Variants in FOXP4 observed in about 807,000 individuals in gnomAD.
FOXP4 encodes the protein forkhead box P4, also known as forkhead box protein P4.
A neutral mutation model predicts 82.6 loss-of-function variants in FOXP4; 25 were observed. The ratio of observed to expected loss-of-function variants is 0.30; its 90% CI spans 0.22 to 0.42. FOXP4 has a LOEUF of 0.42. Among genes scored for constraint, FOXP4 ranks in the 10% least tolerant of loss-of-function variants. FOXP4 has a pLI of 1.00. For missense variants in FOXP4, 785 were observed against 900.9 expected, an observed-to-expected ratio of 0.87 and a Z score of 1.65; for synonymous variants, 415 against 388.2, an observed-to-expected ratio of 1.07 and a Z score of -0.81.
At chr6:41,594,807 G>T (rs113120848) in intron 13 of FOXP4, 63 bp from the exon 14 acceptor site, 10 of 1,605,308 alleles carry the variant, frequency 6.2e-6, no homozygotes, top group African/African-American at 2.7e-5. Context: ...ATGGGATGAG[G>T]ACTATCATGT....
In FOXP4 at chr6:41,598,908, A is replaced by G. The variant is rs746495264; in HGVS notation, c.2015A>G (p.Glu672Gly). 16 of 1,608,206 alleles carry G rather than the reference A, an allele frequency of 9.9e-6. No individual in the cohort carries two copies. In the East Asian group the frequency reaches 3.1e-4, roughly 31 times the overall value. The change falls in exon 17 of 17, where the codon GAG becomes GGG. Residue 672 changes from glutamate to glycine, a missense_variant. Glu to Gly is a moderately conservative substitution (Grantham distance 98). This residue lies in a region of FOXP4 where 184 missense variants were observed against 187.3 expected (regional missense o/e 0.98). Transcript: ENST00000307972. ...SGPPEDRDLE[E>G]ELPGEELS The stretch of plus-strand genomic sequence containing the variant: ...CCTCCGGAAGACAGGGACCTGGAGG[A>G]GGAGCTGCCGGGAGAAGAACTGTCC...
chr6:41,592,700 C>T (rs1251899778), intron 13 of FOXP4, among the ~76,000 whole-genome samples: 1 of 151,522 alleles, frequency 6.6e-6, no homozygotes, highest in African/African-American at 2.4e-5. Context: ...AAGCCACCTA[C>T]CTTCCTTCCT....
At position 41,547,780 on chromosome 6, in the gene FOXP4, C is replaced by A. The variant is rs911298589; in HGVS notation, c.-17+913C>A. 2.0e-5 allele frequency among the ~76,000 whole-genome samples: 3 copies of A among 147,940 alleles called. No homozygotes were observed. The East Asian group carries it at 6.3e-4, about 31-fold the overall frequency. ...GAGCCCGGAGTGACCGAGCAGGACC[C>A]CCCCCCGCCCCAACTGAGGAGTCTG... On this transcript the variant is annotated intron_variant, in intron 1 of 16. Transcript: ENST00000307972.
chr6:41,584,797 CGCAGATGCTTACCCCGCA>C lies in FOXP4; in HGVS notation c.330_347del (p.Leu113_Met118del). ...CCTGTGTCGGTGGCCATGATGTCGC[CGCAGATGCTTACCCCGCA>C]ACAGATGCAGCAGATCCTGTCGCCC... On this transcript the variant is annotated inframe_deletion, in exon 4 of 17. Coordinates refer to ENST00000307972, the MANE Select transcript of FOXP4 (RefSeq NM_001012426.2). The C allele has an allele frequency of 1.3e-6, 2 of 1,599,874 alleles. No individual in the cohort carries two copies. Among genetic ancestry groups the C allele is most frequent in the Non-Finnish European group, 8.5e-7 (1 of 1,173,574 alleles).
At chr6:41,594,769 G>C (rs1041014229) in intron 13 of FOXP4, 101 bp from the exon 14 acceptor site, 138 of 1,540,104 alleles carry the variant, frequency 9.0e-5, no homozygotes, top group Non-Finnish European at 1.2e-4. Context: ...AGCTGGGGAA[G>C]GTGGGCCGCT....
chr6:41,597,313 A>G (rs1281075384), intron 15 of FOXP4, 71 bp downstream of exon 15: 1 of 1,488,560 alleles, frequency 6.7e-7, no homozygotes, highest in Non-Finnish European at 9.3e-7. Flanking sequence ...AGAGACCCCC[A>G]TCCTCCCCTG....
intron 1 of FOXP4, among the ~76,000 whole-genome samples, chr6:41,560,232 A>G (rs1764490515): frequency 6.6e-6 from 1 of 152,076 alleles, no homozygotes; most frequent in East Asian, 1.9e-4. Flanking sequence ...CAGGAGTTGG[A>G]AACCAGCCTG....
Position 41,587,407 on chromosome 6 carries a change from C to A in FOXP4, c.767C>A (p.Ala256Asp). The A allele has an allele frequency of 1.9e-6, 3 of 1,588,924 alleles. No homozygotes were observed. Among genetic ancestry groups the A allele is most frequent in the Non-Finnish European group, 2.6e-6 (3 of 1,167,372 alleles). ...GAGGGGCTGGACCTCACTGGCACGG[C>A]CGCCACCGCTACCTCGTTTGCCGCT... ...KQEGLDLTGT[A>D]ATATSFAAPP... Residue 256 changes from alanine to aspartate, a missense_variant, in exon 7 of 17, where the codon GCC becomes GAC. Transcript: ENST00000307972.
intron 16 of FOXP4, 149 bp downstream of exon 16, chr6:41,598,099 CCT>C: frequency 1.6e-6 from 1 of 627,824 alleles, no homozygotes; most frequent in Non-Finnish European, 2.6e-6. Context: ...TTCCCTCAGC[CCT>C]CTCAGCCCTC....
At chr6:41,580,168 A>G (rs909960115) in intron 3 of FOXP4, among the ~76,000 whole-genome samples, 1 of 151,766 alleles carries the variant, frequency 6.6e-6, no homozygotes, top group Non-Finnish European at 1.5e-5. Flanking sequence ...CAGTCTCCCA[A>G]GTAGCTGGGA....
rs148022939 is a variant in FOXP4 at position 41,585,463 on chromosome 6, G to A, written c.456G>A (p.Gln152=). 1,915 of 1,613,908 alleles carry A rather than the reference G, an allele frequency of 1.2e-3. 1 individual carries two copies. The highest frequency in any genetic ancestry group is 1.8e-3 in the Admixed American group (111 of 60,018). ...LQEYYKKQQE[Q]LHLQLLTQQQ... ...AGTACTACAAGAAGCAGCAGGAGCAGCTCCACCTGCAGCTCCTCACCCAGC... is the reference window on the plus strand; with the variant it reads ...AGTACTACAAGAAGCAGCAGGAGCAACTCCACCTGCAGCTCCTCACCCAGC... The change falls in exon 5 of 17, where the codon CAG becomes CAA. Residue 152 remains glutamine (Q), a synonymous_variant. Transcript: ENST00000307972.
intron 2 of FOXP4, 114 bp from the exon 3 acceptor site, chr6:41,577,872 C>A (rs1765573065): frequency 1.4e-6 from 1 of 711,048 alleles, no homozygotes. Context: ...CCTCTCACCC[C>A]CAAGACCTTC....
chr6:41,584,038 G>A (rs1276494002), intron 3 of FOXP4, among the ~76,000 whole-genome samples: 1 of 152,224 alleles, frequency 6.6e-6, no homozygotes, highest in Non-Finnish European at 1.5e-5. Flanking sequence ...CCAGCTCAGT[G>A]CAGAGTTAGG....
intron 1 of FOXP4, among the ~76,000 whole-genome samples, chr6:41,561,445 A>G (rs1239612799): frequency 6.6e-6 from 1 of 152,180 alleles, no homozygotes; most frequent in African/African-American, 2.4e-5. Flanking sequence ...GGAGGCAGAA[A>G]GAGCACCCCA....
chr6:41,591,142 G>A lies in FOXP4; in HGVS notation c.1435-79G>A. The A allele has an allele frequency of 7.1e-6, 8 of 1,125,458 alleles. No homozygotes were observed. In the South Asian group the frequency reaches 1.1e-4, roughly 15 times the overall value. The allele number at this position is 1,125,458 out of a possible 1,614,324, so 69.7% of individuals were successfully genotyped here. A position where few individuals can be genotyped will look rare whatever the true frequency, so the allele number is the denominator to read the frequency against. ...AACTCGGGGCTAGGCAGAAGGGAGA[G>A]GTACTGGGGGAGGGAACCCAGGGCT... On this transcript the variant is annotated intron_variant, in intron 12 of 16. Transcript: ENST00000307972. The surrounding 1 kb of genome is among the most constrained non-coding windows in gnomAD (Gnocchi z 4.2).
In FOXP4 at chr6:41,565,820, G is replaced by A. The variant is rs562405368; in HGVS notation, c.60G>A (p.Val20=). ...IRSAPSGQNG[V]GSLSGQADGS... ...CGGCTCCATCTGGTCAGAATGGCGT[G>A]GGCAGCCTCTCTGGGCAAGCCGATG... Residue 20 remains valine (V), a synonymous_variant, in exon 2 of 17, where the codon GTG becomes GTA. Coordinates refer to ENST00000307972, the MANE Select transcript of FOXP4 (RefSeq NM_001012426.2). 1 of 1,613,812 alleles carries A rather than the reference G, an allele frequency of 6.2e-7. No homozygotes were observed. The highest frequency in any genetic ancestry group is 1.7e-5 in the Admixed American group (1 of 60,020).
chr6:41,572,954 T>G (rs1043052453), intron 2 of FOXP4, among the ~76,000 whole-genome samples: 1 of 152,160 alleles, frequency 6.6e-6, no homozygotes. Flanking sequence ...TTTGACCCAC[T>G]AAATTGATAT....
chr6:41,595,042 C>A lies in FOXP4; in HGVS notation c.1658+51C>A, dbSNP rs761753084. 6.8e-6 allele frequency: 11 copies of A among 1,609,416 alleles called. No individual in the cohort carries two copies. In the South Asian group the frequency reaches 1.2e-4, roughly 18 times the overall value. ...CTGTACCTGCCCAGGGGGCAGGAGCCAACTCACCCCCACCCCCTACCTCTC... is the reference window on the plus strand; with the variant it reads ...CTGTACCTGCCCAGGGGGCAGGAGCAAACTCACCCCCACCCCCTACCTCTC... On this transcript the variant is annotated intron_variant, in intron 14 of 16. Transcript: ENST00000307972.
intron 16 of FOXP4, 136 bp from the exon 17 acceptor site, chr6:41,598,653 T>C (rs955928903): frequency 3.1e-6 from 4 of 1,281,214 alleles, no homozygotes; most frequent in Non-Finnish European, 4.3e-6. Context: ...AGATCAGCCC[T>C]CAGGTCTGAT....
Sources: gnomAD v4.1 joint callset for allele counts (sites outside exome capture counted in the v4.1 genomes callset) on GRCh38, gnomAD v4.1.1 for gene constraint, gnomAD v4.1.1 regional missense constraint, Gnocchi (gnomAD v3.1) non-coding constraint, MANE v1.5 for transcripts, NCBI Gene and HGNC (gene_info 2026-07-23, HGNC 2026-07-21) for gene names.